USP9X: variants seen among roughly 807,000 people sequenced by gnomAD.
USP9X encodes ubiquitin specific peptidase 9 X-linked.
Under a neutral mutation model 190.3 loss-of-function variants are expected in USP9X, and 7 were observed. The observed-to-expected ratio is 0.04, with a 90% CI of 0.02 to 0.07. The LOEUF (loss-of-function observed/expected upper bound fraction) is 0.07. Ranked by LOEUF, USP9X falls within the 10% of genes least tolerant of loss-of-function variation. USP9X has a pLI of 1.00. For synonymous variants in USP9X, 645 were observed against 659.5 expected, an observed-to-expected ratio of 0.98 and a Z score of 0.34; for missense variants, 1,010 against 1,916.9, an observed-to-expected ratio of 0.53 and a Z score of 8.83.
In USP9X at chrX:41,229,706, A is replaced by G. The variant is rs1040127757; in HGVS notation, c.7358A>G (p.Asn2453Ser). The G allele has an allele frequency of 8.3e-7, 1 of 1,211,797 alleles. No individual in the cohort carries two copies. The highest frequency in any genetic ancestry group is 1.1e-6 in the Non-Finnish European group (1 of 895,542). ...SPPVQSNETS[N>S]GYFLERSHSA... ...CCAGTGCAAAGCAATGAAACGTCCAATGGTTATTTCTTGGAGAGATCACAT... is the reference window on the plus strand; with the variant it reads ...CCAGTGCAAAGCAATGAAACGTCCAGTGGTTATTTCTTGGAGAGATCACAT... The change falls in exon 43 of 45, where the codon AAT becomes AGT. Residue 2453 changes from asparagine to serine, a missense_variant. Physicochemically the swap from Asn to Ser is conservative, Grantham distance 46. Around this residue, in one of 11 missense-constraint regions of USP9X, gnomAD observed 20 missense variants for 59.3 expected, o/e 0.34. Transcript: ENST00000378308.
At chrX:41,096,083 CTGTT>C (rs1254165667) in intron 1 of USP9X, among the ~76,000 whole-genome samples, 1 of 111,940 alleles carries the variant, frequency 8.9e-6, no homozygotes, top group East Asian at 2.8e-4. Context: ...GAGCTGCTGT[CTGTT>C]GAGGTCTGTT....
chrX:41,123,857 A>C, intron 2 of USP9X, 133 bp downstream of exon 2: 1 of 549,198 alleles, frequency 1.8e-6, no homozygotes, highest in Non-Finnish European at 2.9e-6. Flanking sequence ...AGCCTGGTCA[A>C]CAGGGTGGAA....
intron 29 of USP9X, 77 bp from the exon 30 acceptor site, chrX:41,198,451 A>G (rs1009490050): frequency 1.5e-6 from 1 of 647,265 alleles, no homozygotes; most frequent in Non-Finnish European, 2.1e-6. Flanking sequence ...TTTTAAAATG[A>G]TTTACTTACA....
chrX:41,165,783 G>A, intron 15 of USP9X, 89 bp from the exon 16 acceptor site: 1 of 678,676 alleles, frequency 1.5e-6, no homozygotes, highest in Non-Finnish European at 2.2e-6. Flanking sequence ...AAATATAATG[G>A]TGATAAATGT....
At position 41,124,164 on chromosome X, in the gene USP9X, C is replaced by T. The variant is rs183940235; in HGVS notation, c.96+440C>T. Among the ~76,000 whole-genome samples, 719 of 110,403 alleles carry T rather than the reference C, an allele frequency of 6.5e-3. 6 individuals carry two copies. The highest frequency in any genetic ancestry group is 0.023 in the African/African-American group (687 of 30,324). The stretch of plus-strand genomic sequence containing the variant: ...AAGTTTTGATTAACAAAAGTGAACA[C>T]GTTGGGCGCAGTGGCTCACATCTGT... On this transcript the variant is annotated intron_variant, in intron 2 of 44. Coordinates refer to ENST00000378308, the MANE Select transcript of USP9X (RefSeq NM_001039591.3).
In USP9X at chrX:41,168,017, A is replaced by G; in HGVS notation, c.2435A>G (p.His812Arg). 1.7e-6 allele frequency: 2 copies of G among 1,207,043 alleles called. No individual in the cohort carries two copies. Among genetic ancestry groups the G allele is most frequent in the Non-Finnish European group, 2.2e-6 (2 of 893,178 alleles). The change falls in exon 18 of 45, where the codon CAT (histidine) becomes CGT (arginine). Residue 812 changes from histidine (H) to arginine (R), a missense_variant. His to Arg is a conservative substitution (Grantham distance 29, BLOSUM62 0). Around this residue, in one of 11 missense-constraint regions of USP9X, gnomAD observed 104 missense variants for 239.8 expected, o/e 0.43. Transcript: ENST00000378308. The part of the protein sequence containing the change: ...PRLQVNQVVI[H>R]EDFIQSCFDR... ...GCCTGATATTTGTAGGTGGTGATCC[A>G]TGAAGACTTCATTCAGTCTTGTTTT...
chrX:41,225,629 C>T (rs921228795), intron 41 of USP9X, among the ~76,000 whole-genome samples: 3 of 112,390 alleles, frequency 2.7e-5, no homozygotes, highest in Non-Finnish European at 5.6e-5. Context: ...TGAACCATTA[C>T]TCCTAGGAGG....
chrX:41,207,005 C>T lies in USP9X; in HGVS notation c.5015+1512C>T, dbSNP rs770876055. 6.5e-3 allele frequency among the ~76,000 whole-genome samples: 686 copies of T among 105,695 alleles called. 1 individual carries two copies. The highest frequency in any genetic ancestry group is 9.7e-3 in the Non-Finnish European group (501 of 51,821). The allele number at this position is 105,695 out of a possible 115,157, so 91.8% of individuals were successfully genotyped here. A position where few individuals can be genotyped will look rare whatever the true frequency, so the allele number is the denominator to read the frequency against. Reference sequence around the variant, plus strand: ...TTCACCATGTTGGCCAGTCTGGTCTCGAACTCCTGACCTCAGGTGATCTGC... The same window carrying T: ...TTCACCATGTTGGCCAGTCTGGTCTTGAACTCCTGACCTCAGGTGATCTGC... On this transcript the variant is annotated intron_variant, in intron 32 of 44. Coordinates refer to ENST00000378308, the MANE Select transcript of USP9X (RefSeq NM_001039591.3).
In USP9X at chrX:41,224,952, T is replaced by A. The variant is rs771978688; in HGVS notation, c.6962T>A (p.Leu2321His). 1 of 1,211,771 alleles carries A rather than the reference T, an allele frequency of 8.3e-7. No individual in the cohort carries two copies. The change falls in exon 40 of 45, where the codon CTT (leucine) becomes CAT (histidine). Residue 2321 changes from leucine (L) to histidine (H), a missense_variant. Around this residue, in one of 11 missense-constraint regions of USP9X, gnomAD observed 121 missense variants for 281.2 expected, o/e 0.43. Coordinates refer to ENST00000378308, the MANE Select transcript of USP9X (RefSeq NM_001039591.3). ...TTCTCATCTACTGTCCTCAGTGAAC[T>A]TCTCTGGCAGGTAAAAGGAAAATAA... ...PQFSSTVLSE[L>H]LWQVAYSYTY...
intron 18 of USP9X, 137 bp downstream of exon 18, chrX:41,168,355 T>A: frequency 3.7e-6 from 2 of 539,789 alleles, no homozygotes; most frequent in Non-Finnish European, 5.5e-6. Context: ...TCATTTCATC[T>A]AATTTTTTTT....
intron 13 of USP9X, among the ~76,000 whole-genome samples, chrX:41,151,894 T>A (rs2062529913): frequency 8.9e-6 from 1 of 112,473 alleles, no homozygotes; most frequent in East Asian, 2.8e-4. Context: ...GGCACTAGAA[T>A]CGCTTGAGCC....
chrX:41,095,090 A>G (rs2061980303), intron 1 of USP9X, among the ~76,000 whole-genome samples: 1 of 110,535 alleles, frequency 9.0e-6, no homozygotes, highest in Non-Finnish European at 1.9e-5. Flanking sequence ...TGGATTCCAG[A>G]TTTTTCAGAT....
In USP9X at chrX:41,235,060, A is replaced by G. The variant is rs1390226579; in HGVS notation, c.*2536A>G. 2.7e-5 allele frequency: 3 copies of G among 111,761 alleles called. No homozygotes were observed. The highest frequency in any genetic ancestry group is 6.5e-5 in the African/African-American group (2 of 30,662). 9.2% of individuals were successfully genotyped at this position (111,761 alleles called of 1,213,427 possible). A position where few individuals can be genotyped will look rare whatever the true frequency, so the allele number is the denominator to read the frequency against. ...CTTCCTAGTTGAGAGAAAACTTGAC[A>G]TATAAAAGGCTGTGAATTTTTCTGC... On this transcript the variant is annotated 3_prime_UTR_variant, in exon 45 of 45. Coordinates refer to ENST00000378308, the MANE Select transcript of USP9X (RefSeq NM_001039591.3).
intron 4 of USP9X, among the ~76,000 whole-genome samples, chrX:41,131,973 C>T (rs1016995447): frequency 1.3e-4 from 15 of 111,677 alleles, no homozygotes; most frequent in African/African-American, 4.9e-4. Flanking sequence ...TGTAAGTCTA[C>T]AAATTATTTA....
At chrX:41,178,084 C>CTTTTTTTTTTTT (rs758055868) in intron 21 of USP9X, among the ~76,000 whole-genome samples, 1 of 34,296 alleles carries the variant, frequency 2.9e-5, no homozygotes, top group African/African-American at 1.3e-4. Context: ...AGGTTTAAAT[C>CTTTTTTTTTTTT]TTTTTTTTTT....
chrX:41,114,082 C>T (rs904697938), intron 1 of USP9X, among the ~76,000 whole-genome samples: 3 of 112,623 alleles, frequency 2.7e-5, no homozygotes, highest in African/African-American at 3.2e-5. Context: ...AAATATGTGA[C>T]GCTGATCTCT....
Position 41,131,519 on chromosome X carries a change from T to C in USP9X, c.305T>C (p.Ile102Thr). 2 of 1,207,193 alleles carry C rather than the reference T, an allele frequency of 1.7e-6. No homozygotes were observed. The highest frequency in any genetic ancestry group is 2.2e-6 in the Non-Finnish European group (2 of 892,577). ...GELEVLLEAA[I>T]DLSKKGLDVK... Reference sequence around the variant, plus strand: ...TTAGAAGTGCTTTTAGAAGCTGCTATTGATCTTAGTAAAAAGGGTAAGTTA... The same window carrying C: ...TTAGAAGTGCTTTTAGAAGCTGCTACTGATCTTAGTAAAAAGGGTAAGTTA... The change falls in exon 4 of 45, where the codon ATT becomes ACT. Residue 102 changes from isoleucine (I) to threonine (T), a missense_variant. Coordinates refer to ENST00000378308, the MANE Select transcript of USP9X (RefSeq NM_001039591.3).
chrX:41,217,142 ATT>A, intron 35 of USP9X, 76 bp from the exon 36 acceptor site: 1 of 1,094,380 alleles, frequency 9.1e-7, no homozygotes, highest in Non-Finnish European at 1.2e-6. Context: ...ACTTCTCAAA[ATT>A]AATGGAAACA....
At chrX:41,141,911 A>C (rs1464616603) in intron 9 of USP9X, among the ~76,000 whole-genome samples, 1 of 112,174 alleles carries the variant, frequency 8.9e-6, no homozygotes, top group Non-Finnish European at 1.9e-5. Context: ...TTTGACATTG[A>C]AATTTTATGA....
Sources: gnomAD v4.1 joint callset for allele counts (sites outside exome capture counted in the v4.1 genomes callset) on GRCh38, gnomAD v4.1.1 for gene constraint, gnomAD v4.1.1 regional missense constraint, MANE v1.5 for transcripts, NCBI Gene and HGNC (gene_info 2026-07-23, HGNC 2026-07-21) for gene names.